The following DNAJC6 variants were observed in gnomAD, a reference collection of about 807,000 sequenced individuals.
The protein encoded by DNAJC6 is auxilin.
DNAJC6 carries 34 observed loss-of-function variants against 110.0 expected under a neutral mutation model. The ratio of observed to expected loss-of-function variants is 0.31; its 90% CI spans 0.24 to 0.41. DNAJC6 has a LOEUF of 0.41. Ranked by LOEUF, DNAJC6 falls within the 10% of genes least tolerant of loss-of-function variation. The pLI, the probability that DNAJC6 is intolerant of heterozygous loss-of-function variation, is 1.00. For synonymous variants in DNAJC6, 406 were observed against 437.2 expected (o/e 0.93, Z 0.89); for missense variants, 1,031 against 1,207.8 (o/e 0.85, Z 2.17).
upstream of DNAJC6, among the ~76,000 whole-genome samples, chr1:65,305,813 CTT>C (rs1299512318): frequency 2.6e-5 from 4 of 152,050 alleles, no homozygotes; most frequent in African/African-American, 9.7e-5. Flanking sequence ...CAGATTTAAA[CTT>C]AATTTTACAG....
intron 1 of DNAJC6, among the ~76,000 whole-genome samples, chr1:65,325,022 C>T (rs927602266): frequency 2.0e-5 from 3 of 152,102 alleles, no homozygotes; most frequent in African/African-American, 7.2e-5. Flanking sequence ...TAGTGGTCGG[C>T]CCTATAAATT....
chr1:65,327,118 G>A (rs1645248539), intron 1 of DNAJC6, among the ~76,000 whole-genome samples: 2 of 152,176 alleles, frequency 1.3e-5, no homozygotes, highest in South Asian at 4.1e-4. Context: ...GGACATTAGT[G>A]CTGGCTTTGC....
chr1:65,352,587 G>A (rs1268430646), intron 1 of DNAJC6, among the ~76,000 whole-genome samples: 2 of 152,180 alleles, frequency 1.3e-5, no homozygotes, highest in African/African-American at 4.8e-5. Context: ...CATATAGTAA[G>A]GCCACTTTGG....
At chr1:65,319,119 G>A (rs1156932427) in intron 1 of DNAJC6, among the ~76,000 whole-genome samples, 1 of 152,212 alleles carries the variant, frequency 6.6e-6, no homozygotes, top group East Asian at 1.9e-4. Flanking sequence ...CAATGGTGGG[G>A]TCTGAGATAC....
At chr1:65,365,815 T>C (rs576509162) in intron 2 of DNAJC6, 70 bp from the exon 3 acceptor site, 7 of 1,545,868 alleles carry the variant, frequency 4.5e-6, no homozygotes, top group African/African-American at 1.4e-5. Context: ...TATGCGCAAG[T>C]GATTGAGAGA....
intron 4 of DNAJC6, among the ~76,000 whole-genome samples, chr1:65,373,242 A>G (rs1041506080): frequency 6.6e-6 from 1 of 152,128 alleles, no homozygotes; most frequent in Non-Finnish European, 1.5e-5. Context: ...TATTTTGGCT[A>G]TTGTGAATAG....
At chr1:65,342,215 C>T (rs961824906) in intron 1 of DNAJC6, among the ~76,000 whole-genome samples, 2 of 152,104 alleles carry the variant, frequency 1.3e-5, no homozygotes, top group African/African-American at 4.8e-5. Context: ...GCTGTATGAC[C>T]TAAATTTTTG....
At chr1:65,307,719 A>C (rs1645057946), upstream of DNAJC6, among the ~76,000 whole-genome samples, 1 of 152,222 alleles carries the variant, frequency 6.6e-6, no homozygotes, top group African/African-American at 2.4e-5. Flanking sequence ...TTATGGGAAA[A>C]GATTTACTAG....
intron 1 of DNAJC6, among the ~76,000 whole-genome samples, chr1:65,359,908 C>A (rs1229287627): frequency 6.6e-6 from 1 of 152,124 alleles, no homozygotes; most frequent in East Asian, 1.9e-4. Flanking sequence ...TATGAAATAT[C>A]ATTCTTCTTT....
chr1:65,299,903 T>C (rs1352870120), intron 1 of DNAJC6, among the ~76,000 whole-genome samples: 2 of 151,840 alleles, frequency 1.3e-5, no homozygotes, highest in Non-Finnish European at 2.9e-5. Context: ...CACAAAAGAA[T>C]TAGCTGGGCA....
At chr1:65,394,536 G>A (rs147217269) in intron 12 of DNAJC6, among the ~76,000 whole-genome samples, 119 of 152,324 alleles carry the variant, frequency 7.8e-4, no homozygotes, top group Non-Finnish European at 1.3e-3. Flanking sequence ...AGTTATTGGA[G>A]AATGCCCCTA....
chr1:65,369,671 A>G (rs934945894), intron 4 of DNAJC6, among the ~76,000 whole-genome samples: 3 of 152,132 alleles, frequency 2.0e-5, no homozygotes, highest in Non-Finnish European at 4.4e-5. Context: ...GTCATTTTAC[A>G]TGATGATTAT....
chr1:65,383,184 G>A lies in DNAJC6; in HGVS notation c.667-1009G>A, dbSNP rs149679586. ...TTCTAGAAGAAGCTAGGTCACATCT[G>A]TCAGGGATGTTACTGAATTTTGTCT... On this transcript the variant is annotated intron_variant, in intron 5 of 18. Transcript: ENST00000371069. Among the ~76,000 whole-genome samples the A allele has an allele frequency of 2.0e-5, 3 of 152,310 alleles. No homozygotes were observed. In the South Asian group the frequency reaches 6.2e-4, roughly 32 times the overall value.
intron 1 of DNAJC6, among the ~76,000 whole-genome samples, chr1:65,268,548 A>T (rs2101151868): frequency 6.6e-6 from 1 of 152,326 alleles, no homozygotes; most frequent in South Asian, 2.1e-4. Context: ...TATTCTGAAG[A>T]AATAGATTAA....
At chr1:65,391,097 T>A (rs1363429340) in intron 11 of DNAJC6, among the ~76,000 whole-genome samples, 1 of 152,186 alleles carries the variant, frequency 6.6e-6, no homozygotes, top group Non-Finnish European at 1.5e-5. Flanking sequence ...CTACATAAAG[T>A]GATGTAACTT....
intron 17 of DNAJC6, among the ~76,000 whole-genome samples, 173 bp from the exon 18 acceptor site, chr1:65,411,077 G>A (rs1646124316): frequency 6.6e-6 from 1 of 152,196 alleles, no homozygotes; most frequent in Admixed American, 6.5e-5. Flanking sequence ...AGGGAGACAA[G>A]GTAGGAGATT....
intron 1 of DNAJC6, among the ~76,000 whole-genome samples, chr1:65,352,732 C>G (rs1004109627): frequency 1.3e-5 from 2 of 152,196 alleles, no homozygotes; most frequent in Admixed American, 6.5e-5. Flanking sequence ...ATCTTTCTCT[C>G]AGAAGTTGGC....
At chr1:65,281,167 T>C (rs920442281) in intron 1 of DNAJC6, among the ~76,000 whole-genome samples, 1 of 152,168 alleles carries the variant, frequency 6.6e-6, no homozygotes, top group African/African-American at 2.4e-5. Context: ...CCTCAAGTGA[T>C]GTGCCCACCT....
intron 1 of DNAJC6, among the ~76,000 whole-genome samples, chr1:65,271,467 G>A (rs769156711): frequency 7.9e-5 from 12 of 151,950 alleles, no homozygotes; most frequent in Non-Finnish European, 1.5e-4. Flanking sequence ...AATTCTGTAA[G>A]TTTGGCTTTT....
Sources: allele counts gnomAD v4.1 joint callset (sites outside exome capture counted in the v4.1 genomes callset), GRCh38; gene constraint gnomAD v4.1.1; transcripts MANE v1.5; gene names NCBI Gene and HGNC (gene_info 2026-07-23, HGNC 2026-07-21).